Variants in GPR137B observed in about 807,000 individuals in gnomAD.
GPR137B encodes the protein integral membrane protein GPR137B.
Under a neutral mutation model 42.5 loss-of-function variants are expected in GPR137B, and 42 were observed. The ratio of observed to expected loss-of-function variants is 0.99; its 90% CI spans 0.77 to 1.28. The LOEUF is 1.28. GPR137B is among the 50% of genes most tolerant of loss of function. GPR137B has a pLI of 0.00. For missense variants in GPR137B, 487 were observed against 493.9 expected, an observed-to-expected ratio of 0.99 and a Z score of 0.13; for synonymous variants, 218 against 209.7, an observed-to-expected ratio of 1.04 and a Z score of -0.34.
chr1:236,169,506 G>T lies in GPR137B; in HGVS notation c.464+751G>T, dbSNP rs554876303. On this transcript the variant is annotated intron_variant, in intron 2 of 6. Transcript: ENST00000366592. ...TGGACACTCTATATTTGTAACAATG[G>T]CTTAACACAAAGGCTTGCAGAATCA... Among the ~76,000 whole-genome samples, 95 of 152,340 alleles carry T rather than the reference G, an allele frequency of 6.2e-4. No homozygotes were observed. In the South Asian group the frequency reaches 0.011, roughly 17 times the overall value.
intron 5 of GPR137B, among the ~76,000 whole-genome samples, chr1:236,190,782 A>T (rs1367372224): frequency 2.0e-5 from 3 of 151,896 alleles, no homozygotes; most frequent in Non-Finnish European, 4.4e-5. Context: ...CTTCATTTCA[A>T]CCTAGGTGAA....
rs1663682986 is a variant in GPR137B at position 236,207,044 on chromosome 1, T to G, written c.1092-1006T>G. On this transcript the variant is annotated intron_variant, in intron 6 of 6. Transcript: ENST00000366592. ...CCCTCTGGGATGAAATGATAAAAAA[T>G]ATATGCTTGCCTTTTTACTCCTTGT... 5.4e-6 allele frequency: 3 copies of G among 559,562 alleles called. No homozygotes were observed. In the South Asian group the frequency reaches 2.3e-4, roughly 43 times the overall value. The allele number at this position is 559,562 out of a possible 1,614,324, so 34.7% of individuals were successfully genotyped here.
chr1:236,201,180 G>A (rs1471425714), intron 5 of GPR137B, among the ~76,000 whole-genome samples: 1 of 151,862 alleles, frequency 6.6e-6, no homozygotes, highest in African/African-American at 2.4e-5. Flanking sequence ...TGGCTTATAG[G>A]GTTTCTCCTG....
chr1:236,151,581 G>A (rs1661866746), intron 1 of GPR137B, among the ~76,000 whole-genome samples: 1 of 151,856 alleles, frequency 6.6e-6, no homozygotes, highest in South Asian at 2.1e-4. Context: ...CCGCCACCAT[G>A]CCCAGCTAAT....
At position 236,208,867 on chromosome 1, in the gene GPR137B, T is replaced by A; in HGVS notation, c.*709T>A. 1.0e-6 allele frequency: 1 copy of A among 983,978 alleles called. No individual in the cohort carries two copies. The highest frequency in any genetic ancestry group is 1.2e-6 in the Non-Finnish European group (1 of 828,596). 61.0% of individuals were successfully genotyped at this position (983,978 alleles called of 1,614,324 possible). On this transcript the variant is annotated 3_prime_UTR_variant, in exon 7 of 7. Coordinates refer to ENST00000366592, the MANE Select transcript of GPR137B (RefSeq NM_003272.4). Reference sequence around the variant, plus strand: ...TGATAAGTTGATAACATTAAAAATGTAGCTGACTTATCCTATTAAACCTCC... The same window carrying A: ...TGATAAGTTGATAACATTAAAAATGAAGCTGACTTATCCTATTAAACCTCC...
intron 2 of GPR137B, among the ~76,000 whole-genome samples, chr1:236,170,963 G>C (rs1447503487): frequency 6.9e-6 from 1 of 144,240 alleles, no homozygotes; most frequent in Non-Finnish European, 1.5e-5. Flanking sequence ...GCAACACAGC[G>C]ACTCTGTCTC....
chr1:236,207,168 T>A, intron 6 of GPR137B: 1 of 985,078 alleles, frequency 1.0e-6, no homozygotes, highest in Non-Finnish European at 1.2e-6. Flanking sequence ...GGAGAATACA[T>A]GCTTTCTCAG....
At chr1:236,159,754 C>T (rs1056144344) in intron 1 of GPR137B, among the ~76,000 whole-genome samples, 5 of 152,330 alleles carry the variant, frequency 3.3e-5, no homozygotes, top group African/African-American at 1.2e-4. Flanking sequence ...ATGCTTCTGT[C>T]GAAACAAGTA....
Position 236,171,697 on chromosome 1 carries a change from C to T in GPR137B, c.464+2942C>T, listed in dbSNP as rs959072944. ...CTGCATTTTATTGGGAAGGGATTCA[C>T]AGAAATGAAGGGAGAAGATGGGGAG... On this transcript the variant is annotated intron_variant, in intron 2 of 6. Coordinates refer to ENST00000366592, the MANE Select transcript of GPR137B (RefSeq NM_003272.4). The surrounding 1 kb of genome is among the most constrained non-coding windows in gnomAD (Gnocchi z 4.4). Among the ~76,000 whole-genome samples, 21 of 152,098 alleles carry T rather than the reference C, an allele frequency of 1.4e-4. No homozygotes were observed. The highest frequency in any genetic ancestry group is 1.4e-3 in the Admixed American group (21 of 15,264).
chr1:236,143,667 G>C (rs1324948036), intron 1 of GPR137B, among the ~76,000 whole-genome samples: 1 of 152,186 alleles, frequency 6.6e-6, no homozygotes, highest in Non-Finnish European at 1.5e-5. Context: ...CAGAGTTACT[G>C]TCTGAGCTCA....
At chr1:236,207,922 G>A (rs1008036738) in intron 6 of GPR137B, 128 bp from the exon 7 acceptor site, 28 of 650,578 alleles carry the variant, frequency 4.3e-5, no homozygotes, top group Non-Finnish European at 7.3e-5. Context: ...GACTTTAAGA[G>A]CCATTTAAAA....
chr1:236,174,209 T>C (rs1054651989), intron 2 of GPR137B, among the ~76,000 whole-genome samples: 3 of 152,206 alleles, frequency 2.0e-5, no homozygotes, highest in Non-Finnish European at 4.4e-5. Flanking sequence ...ACAGCCTCCT[T>C]TCCTAAGATA....
chr1:236,173,301 A>G (rs1194031001), intron 2 of GPR137B, among the ~76,000 whole-genome samples: 1 of 151,140 alleles, frequency 6.6e-6, no homozygotes, highest in African/African-American at 2.4e-5. Context: ...AAAAAAAAAA[A>G]AAAAGAAGAA....
intron 1 of GPR137B, among the ~76,000 whole-genome samples, chr1:236,149,728 CTG>C (rs1338457519): frequency 6.6e-6 from 1 of 152,256 alleles, no homozygotes; most frequent in East Asian, 1.9e-4. Flanking sequence ...AGGGCAAGGA[CTG>C]TGCTCAGCCT....
At chr1:236,148,296 G>A (rs1347362366) in intron 1 of GPR137B, among the ~76,000 whole-genome samples, 1 of 152,200 alleles carries the variant, frequency 6.6e-6, no homozygotes, top group African/African-American at 2.4e-5. Flanking sequence ...ACAGGTCTGT[G>A]CCCTGCAGGG....
At chr1:236,168,802 C>T (rs367961745) in intron 2 of GPR137B, 47 bp downstream of exon 2, 170 of 1,302,182 alleles carry the variant, frequency 1.3e-4, no homozygotes, top group South Asian at 3.8e-4. Flanking sequence ...GGGAAAGTGC[C>T]GACACATGAA....
chr1:236,180,126 C>T (rs1302568899), intron 4 of GPR137B, 98 bp downstream of exon 4: 1 of 893,558 alleles, frequency 1.1e-6, no homozygotes, highest in African/African-American at 1.6e-5. Flanking sequence ...AATCTGGATG[C>T]TCAAGTCCCT....
intron 5 of GPR137B, among the ~76,000 whole-genome samples, chr1:236,193,646 C>T (rs966371744): frequency 2.0e-5 from 3 of 152,116 alleles, no homozygotes; most frequent in Non-Finnish European, 2.9e-5. Context: ...TTTTTGTGTG[C>T]TTAGTGGTCA....
intron 4 of GPR137B, among the ~76,000 whole-genome samples, chr1:236,182,633 A>G (rs1456252333): frequency 6.6e-6 from 1 of 152,074 alleles, no homozygotes; most frequent in Non-Finnish European, 1.5e-5. Context: ...CTGTAGTCCT[A>G]GCTGCTTGGA....
Sources: gnomAD v4.1 joint callset for allele counts (sites outside exome capture counted in the v4.1 genomes callset) on GRCh38, gnomAD v4.1.1 for gene constraint, Gnocchi (gnomAD v3.1) non-coding constraint, MANE v1.5 for transcripts, NCBI Gene and HGNC (gene_info 2026-07-23, HGNC 2026-07-21) for gene names.